The following ZC3H11A variants were observed in gnomAD, a reference collection of about 807,000 sequenced individuals.
The protein encoded by ZC3H11A is zinc finger CCCH domain-containing protein 11A.
ZC3H11A carries 22 observed loss-of-function variants against 90.8 expected under a neutral mutation model. That is an observed-to-expected ratio of 0.24 (90% CI 0.17 to 0.35). ZC3H11A has a LOEUF of 0.35. ZC3H11A is among the 10% of genes least tolerant of loss of function. The pLI is 1.00. For synonymous variants in ZC3H11A, 294 were observed against 339.8 expected (o/e 0.87, Z 1.48); for missense variants, 701 against 964.9 (o/e 0.73, Z 3.62).
chr1:203,849,808 A>G lies in ZC3H11A; in HGVS notation c.1721A>G (p.Glu574Gly), dbSNP rs1440819279. The G allele has an allele frequency of 2.5e-6, 4 of 1,613,826 alleles. No homozygotes were observed. The highest frequency in any genetic ancestry group is 1.3e-5 in the African/African-American group (1 of 74,902). The stretch of plus-strand genomic sequence containing the variant: ...CACATGCAGAAACAGCAGGAGAGGG[A>G]AAAATCAGTCTTGACACCTCTTCGG... ...EKHMQKQQER[E>G]KSVLTPLRGD... Residue 574 changes from glutamate to glycine, a missense_variant, in exon 15 of 18, where the codon GAA (glutamate) becomes GGA (glycine). Physicochemically the swap from Glu to Gly is moderately conservative, Grantham distance 98. Transcript: ENST00000367210.
rs994030038 is a variant in ZC3H11A at position 203,798,905 on chromosome 1, T to C, written c.-1587-2670T>C. On this transcript the variant is annotated intron_variant, in intron 1 of 17. Transcript: ENST00000367210. The stretch of plus-strand genomic sequence containing the variant: ...TCACTAAGGCTGTACCTCAGTTATA[T>C]GATTGTGTCAGAGAAAAAATTTTCT... 3.3e-6 allele frequency: 5 copies of C among 1,536,020 alleles called. No homozygotes were observed. The African/African-American group carries it at 6.8e-5, about 21-fold the overall frequency.
At chr1:203,803,200 T>C (rs1049312991) in intron 2 of ZC3H11A, among the ~76,000 whole-genome samples, 184 bp downstream of exon 2, 5 of 152,220 alleles carry the variant, frequency 3.3e-5, no homozygotes, top group African/African-American at 9.6e-5. Flanking sequence ...TTTCTTTTTT[T>C]CTTTTTTGGA....
intron 1 of ZC3H11A, chr1:203,799,475 T>C (rs1035030306): frequency 1.1e-5 from 8 of 702,958 alleles, no homozygotes; most frequent in Non-Finnish European, 2.1e-5. Flanking sequence ...GGATTTCTAC[T>C]TTTTATATGT....
intron 2 of ZC3H11A, among the ~76,000 whole-genome samples, chr1:203,815,672 C>T (rs1022212838): frequency 6.6e-6 from 1 of 152,146 alleles, no homozygotes; most frequent in South Asian, 2.1e-4. Flanking sequence ...TGTTCAGTGT[C>T]AGACTCTTAA....
chr1:203,811,217 C>T (rs767342015), intron 2 of ZC3H11A, among the ~76,000 whole-genome samples: 52 of 150,712 alleles, frequency 3.5e-4, no homozygotes, highest in Non-Finnish European at 5.5e-4. Flanking sequence ...CTGAGGCAGG[C>T]GACTCACTTG....
At chr1:203,850,408 T>C in intron 15 of ZC3H11A, 107 bp from the exon 16 acceptor site, 1 of 1,465,916 alleles carries the variant, frequency 6.8e-7, no homozygotes. Context: ...AATGAATTAT[T>C]TGTGGTATTT....
chr1:203,841,609 C>G (rs967113831), intron 12 of ZC3H11A, among the ~76,000 whole-genome samples: 1 of 152,256 alleles, frequency 6.6e-6, no homozygotes, highest in South Asian at 2.1e-4. Flanking sequence ...CACATTTCCC[C>G]GTTTTCTATT....
chr1:203,822,290 A>C (rs1427299209), intron 4 of ZC3H11A, among the ~76,000 whole-genome samples: 1 of 152,068 alleles, frequency 6.6e-6, no homozygotes, highest in African/African-American at 2.4e-5. Context: ...TCAGGCTCTG[A>C]CATGACACAC....
intron 3 of ZC3H11A, 96 bp from the exon 4 acceptor site, chr1:203,818,474 T>C: frequency 6.5e-7 from 1 of 1,529,528 alleles, no homozygotes; most frequent in South Asian, 1.2e-5. Flanking sequence ...TTCTTACTCA[T>C]TTGTGCTTGT....
intron 1 of ZC3H11A, chr1:203,797,949 C>T (rs1339516773): frequency 5.2e-6 from 8 of 1,535,904 alleles, no homozygotes; most frequent in Non-Finnish European, 6.1e-6. Flanking sequence ...TCATGTTGAC[C>T]CCCAGTACAC....
Position 203,840,341 on chromosome 1 carries a change from A to C in ZC3H11A, c.1009A>C (p.Met337Leu). The change falls in exon 12 of 18, where the codon ATG becomes CTG. Residue 337 changes from methionine to leucine, a missense_variant. By Grantham distance (15) the Met-to-Leu change is conservative (BLOSUM62 2). Transcript: ENST00000367210. ...CAAGTCTCTTAAGGAGCGATTAGGCATGTCAGCTGATCCAGATAATGAGGA... is the reference window on the plus strand; with the variant it reads ...CAAGTCTCTTAAGGAGCGATTAGGCCTGTCAGCTGATCCAGATAATGAGGA... Reference protein sequence around the residue: ...VSKSLKERLGMSADPDNEDAT... With the variant: ...VSKSLKERLGLSADPDNEDAT... 1 of 1,613,280 alleles carries C rather than the reference A, an allele frequency of 6.2e-7. No individual in the cohort carries two copies. Among genetic ancestry groups the C allele is most frequent in the Non-Finnish European group, 8.5e-7 (1 of 1,179,462 alleles).
At chr1:203,838,254 C>G (rs1684987056) in intron 11 of ZC3H11A, among the ~76,000 whole-genome samples, 190 bp downstream of exon 11, 1 of 152,168 alleles carries the variant, frequency 6.6e-6, no homozygotes, top group Non-Finnish European at 1.5e-5. Flanking sequence ...GAAAAAAACA[C>G]CGTCACACTC....
intron 12 of ZC3H11A, among the ~76,000 whole-genome samples, chr1:203,842,743 A>G (rs1399484658): frequency 6.6e-6 from 1 of 151,728 alleles, no homozygotes; most frequent in Non-Finnish European, 1.5e-5. Context: ...CTTTAAAAAA[A>G]TCTTCAAAAA....
intron 12 of ZC3H11A, among the ~76,000 whole-genome samples, chr1:203,841,152 T>A (rs1026324860): frequency 1.5e-5 from 2 of 137,160 alleles, no homozygotes; most frequent in Admixed American, 7.0e-5. Context: ...CTTTTTTTTT[T>A]TTTTATTTTT....
chr1:203,823,258 T>C (rs1369931461), intron 4 of ZC3H11A, among the ~76,000 whole-genome samples: 2 of 152,204 alleles, frequency 1.3e-5, no homozygotes, highest in African/African-American at 4.8e-5. Context: ...AAAAAGACAC[T>C]GGAGGAATCT....
At chr1:203,845,881 A>G (rs556424391) in intron 12 of ZC3H11A, among the ~76,000 whole-genome samples, 6 of 152,240 alleles carry the variant, frequency 3.9e-5, no homozygotes, top group African/African-American at 4.8e-5. Flanking sequence ...ACAAGCAAAC[A>G]AAAAACACAG....
At chr1:203,832,226 T>C (rs953429006) in intron 9 of ZC3H11A, among the ~76,000 whole-genome samples, 6 of 151,966 alleles carry the variant, frequency 3.9e-5, no homozygotes, top group African/African-American at 1.2e-4. Flanking sequence ...GCCCGGCTGA[T>C]TTTTTTGTAT....
chr1:203,820,668 C>T (rs561022400), intron 4 of ZC3H11A, among the ~76,000 whole-genome samples: 4 of 151,936 alleles, frequency 2.6e-5, no homozygotes, highest in South Asian at 2.1e-4. Context: ...TTAGTAGACA[C>T]GAGGTTTCGC....
chr1:203,847,041 A>G, intron 12 of ZC3H11A, 143 bp from the exon 13 acceptor site: 1 of 909,618 alleles, frequency 1.1e-6, no homozygotes, highest in Non-Finnish European at 1.7e-6. Context: ...GAAAAGAAAT[A>G]AATGTTACCC....
Sources: gnomAD v4.1 joint callset for allele counts (sites outside exome capture counted in the v4.1 genomes callset) on GRCh38, gnomAD v4.1.1 for gene constraint, MANE v1.5 for transcripts, NCBI Gene and HGNC (gene_info 2026-07-23, HGNC 2026-07-21) for gene names.